Variants in TMEM87B observed in about 807,000 individuals in gnomAD.
TMEM87B encodes the protein transmembrane protein 87B.
TMEM87B carries 83 observed loss-of-function variants against 80.3 expected under a neutral mutation model. The ratio of observed to expected loss-of-function variants is 1.03; its 90% CI spans 0.87 to 1.24. The LOEUF is 1.24. Ranked by LOEUF, TMEM87B falls within the 50% of genes most tolerant of loss-of-function variation. TMEM87B has a pLI of 0.00. For missense variants in TMEM87B, 625 were observed against 674.4 expected (o/e 0.93, Z 0.81); for synonymous variants, 219 against 230.5 (o/e 0.95, Z 0.45).
At chr2:112,101,612 T>A (rs1435286296) in intron 15 of TMEM87B, among the ~76,000 whole-genome samples, 3 of 152,192 alleles carry the variant, frequency 2.0e-5, no homozygotes, top group Admixed American at 2.0e-4. Context: ...ACTGTATTCT[T>A]ACAATAAAGT....
Position 112,097,285 on chromosome 2 carries a change from C to A in TMEM87B, c.1266C>A (p.Cys422Ter). ...CTAAGACATTTAGAATTGCAAAATG[C>A]CAATCAGTAAGTATAACCTTCCTAT... ...WTTKTFRIAK[C>*]QSDWMERWVD... Residue 422 changes from cysteine (C) to a stop codon, truncating the protein, a stop_gained, in exon 13 of 19, where the codon TGC becomes TGA. Coordinates refer to ENST00000283206, the MANE Select transcript of TMEM87B (RefSeq NM_032824.3). LOFTEE classifies it high-confidence loss of function. The A allele has an allele frequency of 6.2e-7, 1 of 1,603,136 alleles. No homozygotes were observed. Among genetic ancestry groups the A allele is most frequent in the Non-Finnish European group, 8.5e-7 (1 of 1,176,472 alleles).
chr2:112,060,158 C>T (rs1005316851), intron 2 of TMEM87B, 121 bp downstream of exon 2: 9 of 1,136,104 alleles, frequency 7.9e-6, no homozygotes, highest in Non-Finnish European at 1.0e-5. Context: ...CGAGCCTGGC[C>T]AACATAGTGA....
At chr2:112,089,796 A>G in intron 10 of TMEM87B, 78 bp downstream of exon 10, 1 of 1,352,692 alleles carries the variant, frequency 7.4e-7, no homozygotes, top group African/African-American at 1.4e-5. Context: ...CCTGAGATGA[A>G]TTTTTAGATA....
intron 9 of TMEM87B, 102 bp downstream of exon 9, chr2:112,086,206 C>T: frequency 2.4e-6 from 2 of 822,330 alleles, no homozygotes; most frequent in Admixed American, 3.1e-5. Context: ...TATTGTAGTA[C>T]AAATCCCTTT....
intron 1 of TMEM87B, among the ~76,000 whole-genome samples, chr2:112,055,986 C>T (rs1236599070): frequency 6.6e-6 from 1 of 152,222 alleles, no homozygotes; most frequent in East Asian, 1.9e-4. Flanking sequence ...ATGGGACGGC[C>T]CTCGGGTCCG....
At position 112,116,835 on chromosome 2, in the gene TMEM87B, A is replaced by G. The variant is rs1680039141; in HGVS notation, c.*692A>G. 1 of 152,508 alleles carries G rather than the reference A, an allele frequency of 6.6e-6. No individual in the cohort carries two copies. Among genetic ancestry groups the G allele is most frequent in the Admixed American group, 6.6e-5 (1 of 15,258 alleles). 9.4% of individuals were successfully genotyped at this position (152,508 alleles called of 1,614,324 possible). A position where few individuals can be genotyped will look rare whatever the true frequency, so the allele number is the denominator to read the frequency against. The stretch of plus-strand genomic sequence containing the variant: ...AGAGATGTCTTGAGGGTCACTACCA[A>G]AGAATTACCCTCATTGTCCCTCACT... On this transcript the variant is annotated 3_prime_UTR_variant, in exon 19 of 19. Transcript: ENST00000283206.
In TMEM87B at chr2:112,072,409, C is replaced by G. The variant is rs147376686; in HGVS notation, c.451-2503C>G. On this transcript the variant is annotated intron_variant, in intron 4 of 18. Coordinates refer to ENST00000283206, the MANE Select transcript of TMEM87B (RefSeq NM_032824.3). Reference sequence around the variant, plus strand: ...TTTAGCTGTGAATCCATCTGGTCTTCGGCCTTTTTTTGGTTGGTAGGCTAT... The same window carrying G: ...TTTAGCTGTGAATCCATCTGGTCTTGGGCCTTTTTTTGGTTGGTAGGCTAT... Among the ~76,000 whole-genome samples, 1,494 of 152,148 alleles carry G rather than the reference C, an allele frequency of 9.8e-3. 33 individuals are homozygous for G. Among genetic ancestry groups the G allele is most frequent in the African/African-American group, 0.034 (1,418 of 41,520 alleles).
At chr2:112,098,379 A>C (rs908342844) in intron 13 of TMEM87B, among the ~76,000 whole-genome samples, 4 of 152,222 alleles carry the variant, frequency 2.6e-5, no homozygotes, top group Non-Finnish European at 2.9e-5. Flanking sequence ...CTGTTAACCC[A>C]AAAATTTTAT....
intron 14 of TMEM87B, among the ~76,000 whole-genome samples, chr2:112,099,783 G>C (rs918654937): frequency 6.7e-6 from 1 of 150,362 alleles, no homozygotes; most frequent in African/African-American, 2.4e-5. Context: ...AGGCTGAGGT[G>C]GGAGGATGGC....
intron 5 of TMEM87B, among the ~76,000 whole-genome samples, chr2:112,075,503 CCTTT>C (rs1678786726): frequency 6.6e-6 from 1 of 152,292 alleles, no homozygotes. Context: ...TTCTATGCAG[CCTTT>C]CTTTTCTTTA....
intron 6 of TMEM87B, among the ~76,000 whole-genome samples, chr2:112,077,676 T>C (rs975262691): frequency 1.3e-5 from 2 of 152,202 alleles, no homozygotes; most frequent in African/African-American, 4.8e-5. Flanking sequence ...TTTTATTATT[T>C]GACAAATTTT....
chr2:112,106,003 C>T lies in TMEM87B; in HGVS notation c.1452C>T (p.Thr484=), dbSNP rs775994160. The T allele has an allele frequency of 1.6e-5, 25 of 1,561,072 alleles. No homozygotes were observed. The highest frequency in any genetic ancestry group is 2.8e-5 in the African/African-American group (2 of 71,756). ...EEFMVTSENL[T]EGIKLRASKS... ...ATATGTTTATAATGTCTCTCGTAGCCGAAGGAATAAAATTAAGAGCCTCAA... is the reference window on the plus strand; with the variant it reads ...ATATGTTTATAATGTCTCTCGTAGCTGAAGGAATAAAATTAAGAGCCTCAA... The change falls in exon 16 of 19, where the codon ACC becomes ACT. Residue 484 remains threonine, a splice_region_variant and synonymous_variant. Transcript: ENST00000283206.
chr2:112,115,766 A>G (rs1237625464), intron 18 of TMEM87B, among the ~76,000 whole-genome samples: 5 of 152,126 alleles, frequency 3.3e-5, no homozygotes, highest in African/African-American at 1.2e-4. Flanking sequence ...CTGACTATAC[A>G]TTATTGGAGA....
intron 4 of TMEM87B, among the ~76,000 whole-genome samples, chr2:112,069,640 G>A (rs1335436812): frequency 2.6e-5 from 4 of 152,168 alleles, no homozygotes; most frequent in Non-Finnish European, 4.4e-5. Flanking sequence ...GTGTGCATGT[G>A]TCTTTATGAC....
Position 112,066,941 on chromosome 2 carries a change from G to A in TMEM87B, c.324G>A (p.Leu108=), listed in dbSNP as rs373377334. The A allele has an allele frequency of 3.1e-6, 5 of 1,601,158 alleles. No homozygotes were observed. The African/African-American group carries it at 5.4e-5, about 17-fold the overall frequency. The change falls in exon 4 of 19, where the codon CTG becomes CTA. Residue 108 remains leucine (L), a synonymous_variant. Coordinates refer to ENST00000283206, the MANE Select transcript of TMEM87B (RefSeq NM_032824.3). The part of the protein sequence containing the change: ...CHNEHSNLEE[L]FQKHKLSVDE... Reference sequence around the variant, plus strand: ...TAGAATTTTACCTTATATAGGAGCTGTTCCAAAAACATAAACTTAGTGTTG... The same window carrying A: ...TAGAATTTTACCTTATATAGGAGCTATTCCAAAAACATAAACTTAGTGTTG...
chr2:112,113,152 G>T (rs1435488855), intron 18 of TMEM87B, among the ~76,000 whole-genome samples: 1 of 152,066 alleles, frequency 6.6e-6, no homozygotes, highest in East Asian at 1.9e-4. Flanking sequence ...GGAAATGAAG[G>T]GTTATTTTAT....
At chr2:112,103,029 G>A (rs966854500) in intron 15 of TMEM87B, among the ~76,000 whole-genome samples, 3 of 152,130 alleles carry the variant, frequency 2.0e-5, no homozygotes, top group East Asian at 3.9e-4. Flanking sequence ...GTGTTTATTC[G>A]CAGGCAACAT....
chr2:112,059,047 G>C (rs541787378), intron 1 of TMEM87B, among the ~76,000 whole-genome samples: 1 of 152,254 alleles, frequency 6.6e-6, no homozygotes, highest in Non-Finnish European at 1.5e-5. Context: ...TTGGGTATTT[G>C]GATCTGGAGC....
Position 112,098,671 on chromosome 2 carries a change from T to C in TMEM87B, c.1349T>C (p.Leu450Ser), listed in dbSNP as rs201197357. ...FSLILIVIMF[L>S]WRPSANNQRY... ...CTTATCCTTATTGTAATCATGTTTT[T>C]GTGGAGACCATCAGCAAACAATCAG... Residue 450 changes from leucine to serine, a missense_variant, in exon 14 of 19, where the codon TTG becomes TCG. By Grantham distance (145) the Leu-to-Ser change is moderately radical. Transcript: ENST00000283206. 1 of 1,614,158 alleles carries C rather than the reference T, an allele frequency of 6.2e-7. No homozygotes were observed. The highest frequency in any genetic ancestry group is 8.5e-7 in the Non-Finnish European group (1 of 1,180,030).
Sources: gnomAD v4.1 joint callset for allele counts (sites outside exome capture counted in the v4.1 genomes callset) on GRCh38, gnomAD v4.1.1 for gene constraint, MANE v1.5 for transcripts, NCBI Gene and HGNC (gene_info 2026-07-23, HGNC 2026-07-21) for gene names.